NAV2: variants seen among roughly 807,000 people sequenced by gnomAD.
NAV2 encodes helicase, APC down-regulated 1.
A neutral mutation model predicts 223.2 loss-of-function variants in NAV2; 54 were observed. The ratio of observed to expected loss-of-function variants is 0.24; its 90% CI spans 0.19 to 0.30. NAV2 has a LOEUF of 0.30. Among genes scored for constraint, NAV2 ranks in the 10% least tolerant of loss-of-function variants. The probability of loss-of-function intolerance (pLI) is 1.00; values close to 1 mark genes in which losing one functional copy is unlikely to be tolerated. For synonymous variants in NAV2, 1,279 were observed against 1,239.3 expected (o/e 1.03, Z -0.67); for missense variants, 2,806 against 3,147.5 (o/e 0.89, Z 2.60).
At chr11:19,541,330 G>T (rs1173234136) in intron 1 of NAV2, among the ~76,000 whole-genome samples, 2 of 152,246 alleles carry the variant, frequency 1.3e-5, no homozygotes, top group African/African-American at 4.8e-5. Flanking sequence ...CCATGGCAGG[G>T]AGAAGACAAA....
chr11:19,642,629 G>C (rs2047697173), intron 1 of NAV2, among the ~76,000 whole-genome samples: 1 of 152,174 alleles, frequency 6.6e-6, no homozygotes, highest in Non-Finnish European at 1.5e-5. Context: ...TGATTAAGCA[G>C]CTTTGATCTC....
intron 31 of NAV2, among the ~76,000 whole-genome samples, chr11:20,100,546 GGT>G (rs59857072): frequency 0.051 from 7,179 of 141,726 alleles, 282 homozygotes; most frequent in African/African-American, 0.12. Flanking sequence ...ATACTAGAGG[GGT>G]GTGTGTGTGT....
intron 11 of NAV2, among the ~76,000 whole-genome samples, chr11:20,016,059 G>A (rs183274344): frequency 4.1e-4 from 62 of 152,328 alleles, no homozygotes; most frequent in Middle Eastern, 3.4e-3. Context: ...ATAATAACGC[G>A]TGTTAGAACA....
At chr11:19,644,267 C>T (rs1041049807) in intron 1 of NAV2, among the ~76,000 whole-genome samples, 10 of 152,216 alleles carry the variant, frequency 6.6e-5, no homozygotes, top group African/African-American at 2.4e-4. Context: ...CACTTTGATG[C>T]CCAACCCCTG....
chr11:20,042,715 T>C (rs966569849), intron 12 of NAV2, among the ~76,000 whole-genome samples: 1 of 152,090 alleles, frequency 6.6e-6, no homozygotes, highest in South Asian at 2.1e-4. Context: ...TGCCAGGTGT[T>C]CATTTTAATT....
intron 1 of NAV2, among the ~76,000 whole-genome samples, chr11:19,588,800 GGT>G (rs2045969916): frequency 6.6e-6 from 1 of 152,222 alleles, no homozygotes; most frequent in Non-Finnish European, 1.5e-5. Context: ...CAGAGCATGG[GGT>G]GTGATGTGGT....
chr11:19,816,881 C>A (rs751717027), intron 1 of NAV2, among the ~76,000 whole-genome samples: 4 of 152,086 alleles, frequency 2.6e-5, no homozygotes, highest in Non-Finnish European at 5.9e-5. Context: ...CAGGTGAAAC[C>A]AGAGGAGGCT....
intron 1 of NAV2, among the ~76,000 whole-genome samples, chr11:19,548,031 G>A (rs1236269715): frequency 6.6e-6 from 1 of 152,198 alleles, no homozygotes; most frequent in Non-Finnish European, 1.5e-5. Flanking sequence ...CCTAGCTGGT[G>A]AGTAACAGGG....
At chr11:19,397,557 G>A (rs1849511431) in intron 1 of NAV2, among the ~76,000 whole-genome samples, 2 of 152,022 alleles carry the variant, frequency 1.3e-5, no homozygotes, top group African/African-American at 4.8e-5. Context: ...TAGGGGAGGA[G>A]GTACATCATC....
Position 19,892,574 on chromosome 11 carries a change from C to T in NAV2, c.911C>T (p.Pro304Leu), listed in dbSNP as rs202102258. The change falls in exon 6 of 38, where the codon CCG (proline) becomes CTG (leucine). Residue 304 changes from proline to leucine, a missense_variant. This residue lies in a region of NAV2 where 1,167 missense variants were observed against 1,180.5 expected (regional missense o/e 0.99). Coordinates refer to ENST00000349880, the MANE Select transcript of NAV2 (RefSeq NM_145117.5). ...AAACCAGTCACCTCCCCACCCCCAC[C>T]GCCAAGCAGCCACGAGAAAGGTGAG... The part of the protein sequence containing the change: ...KSKPVTSPPP[P>L]PSSHEKEPLA... 1.1e-4 allele frequency: 180 copies of T among 1,613,892 alleles called. No homozygotes were observed. The highest frequency in any genetic ancestry group is 8.2e-4 in the Middle Eastern group (5 of 6,062).
intron 1 of NAV2, among the ~76,000 whole-genome samples, chr11:19,738,966 G>A (rs1286618421): frequency 2.0e-5 from 3 of 152,162 alleles, no homozygotes; most frequent in African/African-American, 4.8e-5. Context: ...AATGGAATTA[G>A]AAACATATAC....
intron 21 of NAV2, 55 bp downstream of exon 21, chr11:20,068,264 C>T: frequency 6.2e-7 from 1 of 1,609,826 alleles, no homozygotes; most frequent in Non-Finnish European, 8.5e-7. Context: ...AATTATTTGA[C>T]CCTGCTCACC....
intron 1 of NAV2, among the ~76,000 whole-genome samples, chr11:19,580,457 G>A (rs1456736434): frequency 6.6e-6 from 1 of 152,076 alleles, no homozygotes; most frequent in Non-Finnish European, 1.5e-5. Context: ...GGCATTACAT[G>A]GGGAGGGCCT....
At chr11:19,959,593 C>T (rs1314347490) in intron 10 of NAV2, among the ~76,000 whole-genome samples, 5 of 152,194 alleles carry the variant, frequency 3.3e-5, no homozygotes. Flanking sequence ...ACCAAACTGT[C>T]CTCATAATGA....
intron 1 of NAV2, among the ~76,000 whole-genome samples, chr11:19,802,772 G>A (rs1461851763): frequency 6.6e-6 from 1 of 151,992 alleles, no homozygotes. Context: ...GTTTTGTGGG[G>A]ATGAGAGAGT....
At chr11:19,881,553 A>G (rs1043977340) in intron 5 of NAV2, among the ~76,000 whole-genome samples, 1 of 152,168 alleles carries the variant, frequency 6.6e-6, no homozygotes, top group Admixed American at 6.5e-5. Context: ...AAATTGCTAT[A>G]TGGCTCTCAT....
chr11:19,917,139 C>T (rs892135282), intron 6 of NAV2, among the ~76,000 whole-genome samples: 4 of 152,218 alleles, frequency 2.6e-5, no homozygotes, highest in African/African-American at 7.2e-5. Context: ...TACCTGCCTT[C>T]TGGAGATCTG....
intron 6 of NAV2, among the ~76,000 whole-genome samples, chr11:19,906,345 A>G (rs1480787454): frequency 6.6e-6 from 1 of 152,148 alleles, no homozygotes; most frequent in Non-Finnish European, 1.5e-5. Flanking sequence ...ACCTGCCCAA[A>G]TTCTTGTGAT....
intron 1 of NAV2, among the ~76,000 whole-genome samples, chr11:19,546,569 C>G (rs1219234526): frequency 1.3e-5 from 2 of 152,200 alleles, no homozygotes; most frequent in Non-Finnish European, 2.9e-5. Flanking sequence ...GAAGGAAGGA[C>G]TGGTCACCAC....
Sources: allele counts gnomAD v4.1 joint callset (sites outside exome capture counted in the v4.1 genomes callset), GRCh38; gene constraint gnomAD v4.1.1; regional missense constraint gnomAD v4.1.1; transcripts MANE v1.5; gene names NCBI Gene and HGNC (gene_info 2026-07-23, HGNC 2026-07-21).